EVI5: variants seen among roughly 807,000 people sequenced by gnomAD.
The protein encoded by EVI5 is ecotropic viral integration site 5, also known as ecotropic viral integration site 5 protein homolog.
A neutral mutation model predicts 112.0 loss-of-function variants in EVI5; 73 were observed. The observed-to-expected ratio is 0.65, with a 90% CI of 0.54 to 0.79. EVI5 has a LOEUF of 0.79. Among genes scored for constraint, EVI5 ranks in the 30% least tolerant of loss-of-function variants. The pLI is 0.00. For missense variants in EVI5, 900 were observed against 968.8 expected (o/e 0.93, Z 0.94); for synonymous variants, 305 against 319.9 (o/e 0.95, Z 0.50).
At chr1:92,735,848 T>C (rs1425239237) in intron 2 of EVI5, among the ~76,000 whole-genome samples, 1 of 144,472 alleles carries the variant, frequency 6.9e-6, no homozygotes, top group Non-Finnish European at 1.5e-5. Context: ...ATAATATATA[T>C]TATATATATA....
chr1:92,773,422 C>G (rs1570904821), intron 1 of EVI5, among the ~76,000 whole-genome samples: 1 of 152,096 alleles, frequency 6.6e-6, no homozygotes, highest in Non-Finnish European at 1.5e-5. Context: ...AGTTCAAGAA[C>G]AAGAAAAACT....
At chr1:92,667,734 G>A (rs1481488916) in intron 10 of EVI5, among the ~76,000 whole-genome samples, 3 of 152,116 alleles carry the variant, frequency 2.0e-5, no homozygotes, top group African/African-American at 7.2e-5. Context: ...TCCTGACTCA[G>A]CCTCCTGAGT....
At chr1:92,573,238 T>C (rs1323611332) in intron 18 of EVI5, among the ~76,000 whole-genome samples, 2 of 149,700 alleles carry the variant, frequency 1.3e-5, no homozygotes, top group Non-Finnish European at 3.0e-5. Flanking sequence ...ATTCTAAATA[T>C]CTAGGAACAG....
At chr1:92,577,248 C>A (rs1271219825) in intron 18 of EVI5, among the ~76,000 whole-genome samples, 3 of 152,230 alleles carry the variant, frequency 2.0e-5, no homozygotes, top group Non-Finnish European at 4.4e-5. Flanking sequence ...CATAGGCAGA[C>A]TTAGGCTTGC....
chr1:92,558,861 C>T (rs988581764), intron 19 of EVI5, among the ~76,000 whole-genome samples: 1 of 147,764 alleles, frequency 6.8e-6, no homozygotes, highest in African/African-American at 2.5e-5. Context: ...AAGGGCAAAA[C>T]AAAACAAAAC....
intron 19 of EVI5, among the ~76,000 whole-genome samples, chr1:92,533,417 A>C (rs1177745107): frequency 6.6e-6 from 1 of 152,164 alleles, no homozygotes; most frequent in African/African-American, 2.4e-5. Flanking sequence ...AAAAGAGGGA[A>C]TCCTCCTTAA....
At chr1:92,732,342 T>G in intron 2 of EVI5, 2 of 372,930 alleles carry the variant, frequency 5.4e-6, no homozygotes, top group Non-Finnish European at 5.3e-6. Context: ...ACTCAGTAAC[T>G]TGTTAAAGAC....
chr1:92,712,514 C>T (rs1051913155), intron 2 of EVI5, among the ~76,000 whole-genome samples: 6 of 152,070 alleles, frequency 3.9e-5, no homozygotes, highest in African/African-American at 1.4e-4. Context: ...CTATCTTAGG[C>T]TAAGCTAGTT....
At chr1:92,599,456 C>A (rs996195669) in intron 18 of EVI5, among the ~76,000 whole-genome samples, 5 of 151,828 alleles carry the variant, frequency 3.3e-5, no homozygotes, top group African/African-American at 1.2e-4. Flanking sequence ...ACTTTGATAA[C>A]TGAAAAAAGT....
intron 14 of EVI5, among the ~76,000 whole-genome samples, chr1:92,634,975 C>T (rs752563056): frequency 6.6e-6 from 1 of 152,198 alleles, no homozygotes; most frequent in Non-Finnish European, 1.5e-5. Context: ...GTATCAGCAG[C>T]GGAGGCTGCA....
intron 18 of EVI5, among the ~76,000 whole-genome samples, chr1:92,566,033 C>T: frequency 6.8e-6 from 1 of 147,108 alleles, no homozygotes; most frequent in East Asian, 2.1e-4. Flanking sequence ...AACAACACTG[C>T]TGTTCTGTGT....
At chr1:92,755,185 G>T (rs1047565439) in intron 1 of EVI5, among the ~76,000 whole-genome samples, 4 of 151,514 alleles carry the variant, frequency 2.6e-5, no homozygotes, top group African/African-American at 9.7e-5. Flanking sequence ...GAGGTGGGTG[G>T]ATCACTACAG....
In EVI5 at chr1:92,558,202, C is replaced by T. The variant is rs561514825; in HGVS notation, c.2166+5440G>A. On this transcript the variant is annotated intron_variant, in intron 19 of 19. Transcript: ENST00000684568. ...CCTGGTGGTTTTGGTCCTCTCCTGG[C>T]TCTCTTGACCCTAAAGGTTGGGAGA... is the stretch of plus-strand genomic sequence containing the variant. Among the ~76,000 whole-genome samples, 289 of 152,286 alleles carry T rather than the reference C, an allele frequency of 1.9e-3. 1 individual carries two copies. Among genetic ancestry groups the T allele is most frequent in the African/African-American group, 6.8e-3 (281 of 41,540 alleles).
intron 13 of EVI5, among the ~76,000 whole-genome samples, chr1:92,639,252 A>T (rs2101938503): frequency 6.6e-6 from 1 of 152,286 alleles, no homozygotes; most frequent in Non-Finnish European, 1.5e-5. Flanking sequence ...TGTTGCAAAA[A>T]TTACAAAGGT....
At chr1:92,541,457 AAAT>A (rs1289701222) in intron 19 of EVI5, among the ~76,000 whole-genome samples, 5 of 152,156 alleles carry the variant, frequency 3.3e-5, no homozygotes, top group African/African-American at 1.2e-4. Flanking sequence ...TCGAAAAAAT[AAAT>A]AATAAATGTT....
rs1557886813 is a variant in EVI5 at position 92,606,924 on chromosome 1, C to CACACACACA, written c.1974+656_1974+657insTGTGTGTGT. Among the ~76,000 whole-genome samples the CACACACACA allele has an allele frequency of 2.6e-3, 234 of 91,490 alleles. 5 individuals carry two copies. Among genetic ancestry groups the CACACACACA allele is most frequent in the African/African-American group, 7.2e-3 (202 of 28,046 alleles). 60.0% of individuals were successfully genotyped at this position (91,490 alleles called of 152,430 possible). ...CACACACACACACACACACACACAC[C>CACACACACA]CCCCCAAACCCTCCCTCCTCTCCTT... On this transcript the variant is annotated intron_variant, in intron 17 of 19. Transcript: ENST00000684568.
intron 18 of EVI5, among the ~76,000 whole-genome samples, chr1:92,564,731 G>T (rs1669161246): frequency 6.7e-6 from 1 of 149,248 alleles, no homozygotes. Context: ...CCAGGCTGGA[G>T]TGCAATGGCG....
chr1:92,609,306 T>C (rs1007448250), intron 16 of EVI5, among the ~76,000 whole-genome samples: 1 of 152,232 alleles, frequency 6.6e-6, no homozygotes, highest in Non-Finnish European at 1.5e-5. Context: ...GATTAGATTA[T>C]GGGCGAAAAG....
chr1:92,645,195 C>T (rs1347163499), intron 13 of EVI5, among the ~76,000 whole-genome samples: 2 of 152,164 alleles, frequency 1.3e-5, no homozygotes, highest in African/African-American at 2.4e-5. Context: ...TAAACACATA[C>T]AATCTTAAAT....
Sources: gnomAD v4.1 joint callset for allele counts (sites outside exome capture counted in the v4.1 genomes callset) on GRCh38, gnomAD v4.1.1 for gene constraint, MANE v1.5 for transcripts, NCBI Gene and HGNC (gene_info 2026-07-23, HGNC 2026-07-21) for gene names.